Variants in SSH2 observed in about 807,000 individuals in gnomAD.
SSH2 encodes the protein protein phosphatase Slingshot homolog 2.
In SSH2, 37 loss-of-function variants were observed where a neutral mutation model predicts 135.2. That is an observed-to-expected ratio of 0.27 (90% CI 0.21 to 0.36). The LOEUF (loss-of-function observed/expected upper bound fraction) is 0.36, where lower values mean the gene tolerates loss of function less well. SSH2 is among the 10% of genes least tolerant of loss of function. SSH2 has a pLI of 1.00. For missense variants in SSH2, 1,408 were observed against 1,765.3 expected (o/e 0.80, Z 3.63); for synonymous variants, 628 against 646.2 (o/e 0.97, Z 0.43).
chr17:29,774,352 C>G (rs975782104), intron 3 of SSH2, among the ~76,000 whole-genome samples: 1 of 152,096 alleles, frequency 6.6e-6, no homozygotes, highest in Non-Finnish European at 1.5e-5. Context: ...GCAACCTCCT[C>G]CTCCTGGGTT....
At chr17:29,853,444 GC>G (rs1055238591) in intron 1 of SSH2, among the ~76,000 whole-genome samples, 4 of 151,794 alleles carry the variant, frequency 2.6e-5, no homozygotes, top group Admixed American at 2.6e-4. Flanking sequence ...CAACCTTGTT[GC>G]CTGAATTTCA....
intron 1 of SSH2, among the ~76,000 whole-genome samples, chr17:29,926,705 C>T (rs1023709690): frequency 6.6e-6 from 1 of 152,214 alleles, no homozygotes; most frequent in Non-Finnish European, 1.5e-5. Context: ...TCGCCTTTAT[C>T]TCTTACTACT....
intron 9 of SSH2, among the ~76,000 whole-genome samples, chr17:29,671,423 A>G (rs1413667651): frequency 6.6e-6 from 1 of 152,166 alleles, no homozygotes; most frequent in Admixed American, 6.5e-5. Context: ...TTGAGGCTGC[A>G]GTGAGCTATG....
intron 2 of SSH2, among the ~76,000 whole-genome samples, chr17:29,834,234 T>C (rs868411453): frequency 6.6e-6 from 1 of 152,040 alleles, no homozygotes; most frequent in Non-Finnish European, 1.5e-5. Context: ...GAAAAAAATA[T>C]TCAATAGTTC....
intron 1 of SSH2, among the ~76,000 whole-genome samples, chr17:29,900,681 GGACT>G (rs1484406242): frequency 1.3e-5 from 2 of 152,184 alleles, no homozygotes; most frequent in Non-Finnish European, 2.9e-5. Flanking sequence ...GCTATTGGTT[GGACT>G]GTAAACTAGT....
intron 2 of SSH2, among the ~76,000 whole-genome samples, chr17:29,800,555 G>A (rs1282597011): frequency 1.3e-5 from 2 of 152,102 alleles, no homozygotes; most frequent in Non-Finnish European, 2.9e-5. Context: ...GGAGAAAAGT[G>A]TAGAGACAGC....
At chr17:29,850,979 C>T (rs1434055953) in intron 1 of SSH2, among the ~76,000 whole-genome samples, 2 of 152,048 alleles carry the variant, frequency 1.3e-5, no homozygotes, top group African/African-American at 2.4e-5. Flanking sequence ...AGCGAGACTC[C>T]ATCTCAAAAA....
chr17:29,658,005 A>AT (rs34973345), intron 11 of SSH2, among the ~76,000 whole-genome samples: 3,826 of 121,536 alleles, frequency 0.031, 99 homozygotes, highest in African/African-American at 0.076. Context: ...CACAATCTGT[A>AT]TTTTTTTTTT....
chr17:29,741,351 G>A (rs1442418294), intron 3 of SSH2, among the ~76,000 whole-genome samples: 1 of 152,136 alleles, frequency 6.6e-6, no homozygotes, highest in Non-Finnish European at 1.5e-5. Flanking sequence ...TTGACCCTTA[G>A]GATATGTCTT....
intron 12 of SSH2, among the ~76,000 whole-genome samples, chr17:29,653,733 C>G (rs939437754): frequency 6.6e-6 from 1 of 152,088 alleles, no homozygotes; most frequent in African/African-American, 2.4e-5. Context: ...ATTACAGGTG[C>G]CTGCCATCAC....
chr17:29,925,219 T>C, intron 1 of SSH2: 1 of 243,736 alleles, frequency 4.1e-6, no homozygotes, highest in Non-Finnish European at 7.7e-6. Flanking sequence ...ACTAAAATAT[T>C]ATTATAGTAT....
intron 3 of SSH2, among the ~76,000 whole-genome samples, chr17:29,753,374 C>A (rs916518554): frequency 6.6e-6 from 1 of 151,598 alleles, no homozygotes; most frequent in East Asian, 2.0e-4. Flanking sequence ...AGGTGATACC[C>A]CCAACCTCAG....
chr17:29,854,214 CAAT>C (rs755962476), intron 1 of SSH2, among the ~76,000 whole-genome samples: 2 of 151,906 alleles, frequency 1.3e-5, no homozygotes, highest in Non-Finnish European at 1.5e-5. Context: ...ACTGAGCTCA[CAAT>C]GAGTCATTCA....
chr17:29,860,566 C>T lies in SSH2; in HGVS notation c.64-11637G>A, dbSNP rs185243893. On this transcript the variant is annotated intron_variant, in intron 1 of 15. Coordinates refer to ENST00000540801, the MANE Select transcript of SSH2 (RefSeq NM_001282129.2). ...AGCAATTCTCTTGCTTCAGCCACCG[C>T]GATTACAGGAGGGTCCCACCATGCC... is the stretch of plus-strand genomic sequence containing the variant. 2.3e-4 allele frequency among the ~76,000 whole-genome samples: 34 copies of T among 150,962 alleles called. No individual in the cohort carries two copies. The East Asian group carries it at 3.9e-3, about 17-fold the overall frequency.
intron 3 of SSH2, among the ~76,000 whole-genome samples, chr17:29,708,773 A>T (rs2039316211): frequency 6.6e-6 from 1 of 151,550 alleles, no homozygotes; most frequent in Non-Finnish European, 1.5e-5. Context: ...CGAAGGACTT[A>T]AGAAGCCCCA....
Position 29,672,074 on chromosome 17 carries a change from A to G in SSH2, c.670T>C (p.Tyr224His), listed in dbSNP as rs746377409. The change falls in exon 9 of 16, where the codon TAC becomes CAC. Residue 224 changes from tyrosine (Y) to histidine (H), a missense_variant. This residue lies in a region of SSH2 where 222 missense variants were observed against 355.6 expected (regional missense o/e 0.62). Transcript: ENST00000540801. ...ACEVARAHNY[Y>H]PGSLFLTWVS... is the part of the protein sequence containing the mutation. The stretch of plus-strand genomic sequence containing the variant: ...CAAGTGAGAAATAGGCTGCCTGGGT[A>G]GTAGTTATGCGCTCTGGCGACTTCA... The G allele has an allele frequency of 6.2e-7, 1 of 1,614,192 alleles. No homozygotes were observed. The highest frequency in any genetic ancestry group is 1.1e-5 in the South Asian group (1 of 91,088).
rs374010618 is a variant in SSH2 at position 29,655,636 on chromosome 17, A to G, written c.1033-29T>C. ...TGGAGCCAAAAAGACAAGGTTAAGG[A>G]GTATTAGCAAATCAACCAAACAATA... On this transcript the variant is annotated intron_variant, in intron 11 of 15. Transcript: ENST00000540801. 183 of 1,604,918 alleles carry G rather than the reference A, an allele frequency of 1.1e-4. 4 individuals are homozygous for G. In the South Asian group the frequency reaches 1.2e-3, roughly 11 times the overall value.
At chr17:29,903,963 C>T (rs1319654384) in intron 1 of SSH2, among the ~76,000 whole-genome samples, 1 of 151,972 alleles carries the variant, frequency 6.6e-6, no homozygotes, top group Non-Finnish European at 1.5e-5. Context: ...GAAAATGAAT[C>T]CCTGAATAGA....
intron 1 of SSH2, among the ~76,000 whole-genome samples, chr17:29,915,525 C>T (rs2066865485): frequency 6.6e-6 from 1 of 152,316 alleles, no homozygotes; most frequent in Admixed American, 6.5e-5. Context: ...CCAACACATT[C>T]ATTCTATGAT....
Sources: allele counts gnomAD v4.1 joint callset (sites outside exome capture counted in the v4.1 genomes callset), GRCh38; gene constraint gnomAD v4.1.1; regional missense constraint gnomAD v4.1.1; transcripts MANE v1.5; gene names NCBI Gene and HGNC (gene_info 2026-07-23, HGNC 2026-07-21).